The following CAMTA1 variants were observed in gnomAD, a reference collection of about 807,000 sequenced individuals.
CAMTA1 encodes the protein calmodulin-binding transcription activator 1.
Under a neutral mutation model 170.9 loss-of-function variants are expected in CAMTA1, and 27 were observed. The ratio of observed to expected loss-of-function variants is 0.16; its 90% CI spans 0.12 to 0.22. The LOEUF is 0.22. Ranked by LOEUF, CAMTA1 falls within the 10% of genes least tolerant of loss-of-function variation. The pLI is 1.00. For synonymous variants in CAMTA1, 833 were observed against 891.5 expected, an observed-to-expected ratio of 0.93 and a Z score of 1.17; for missense variants, 1,619 against 2,217.2, an observed-to-expected ratio of 0.73 and a Z score of 5.42.
intron 22 of CAMTA1, among the ~76,000 whole-genome samples, chr1:7,764,609 GCAATAACTGATTA>G (rs2097003047): frequency 6.6e-6 from 1 of 152,094 alleles, no homozygotes; most frequent in Non-Finnish European, 1.5e-5. Flanking sequence ...ATACAATATA[GCAATAACTGATTA>G]CTGGTTTTTT....
chr1:7,295,872 A>G (rs1673855436), intron 5 of CAMTA1, among the ~76,000 whole-genome samples: 2 of 152,204 alleles, frequency 1.3e-5, no homozygotes, highest in Non-Finnish European at 2.9e-5. Context: ...AAAACAATGC[A>G]TATTTATTAT....
At chr1:7,744,568 A>C (rs2096843927) in intron 16 of CAMTA1, among the ~76,000 whole-genome samples, 1 of 152,210 alleles carries the variant, frequency 6.6e-6, no homozygotes, top group African/African-American at 2.4e-5. Context: ...GAGAGTAGGG[A>C]GTACATACAA....
intron 7 of CAMTA1, among the ~76,000 whole-genome samples, chr1:7,646,115 A>G (rs1273234650): frequency 3.7e-4 from 43 of 115,000 alleles, no homozygotes; most frequent in African/African-American, 1.0e-3. Context: ...AGGCCCTGGT[A>G]AGTGTGAGCG....
At chr1:6,788,010 A>G (rs1470357718) in intron 1 of CAMTA1, among the ~76,000 whole-genome samples, 2 of 152,124 alleles carry the variant, frequency 1.3e-5, no homozygotes, top group Admixed American at 6.5e-5. Context: ...TAATTGAGAG[A>G]GGTTGTGAAA....
At chr1:7,283,015 A>G (rs186574946) in intron 5 of CAMTA1, among the ~76,000 whole-genome samples, 5 of 152,322 alleles carry the variant, frequency 3.3e-5, no homozygotes, top group African/African-American at 9.6e-5. Flanking sequence ...GGAATTTGGA[A>G]CAACCTAACT....
chr1:7,475,051 C>G (rs1053307229), intron 6 of CAMTA1, among the ~76,000 whole-genome samples: 5 of 152,248 alleles, frequency 3.3e-5, no homozygotes, highest in Non-Finnish European at 7.3e-5. Context: ...ATGAGCTGGG[C>G]TCTTCCCTGG....
At chr1:7,292,406 C>T (rs551835838) in intron 5 of CAMTA1, among the ~76,000 whole-genome samples, 6 of 152,270 alleles carry the variant, frequency 3.9e-5, no homozygotes, top group African/African-American at 1.2e-4. Context: ...ATGTGTGTCT[C>T]CTGTGGATCT....
intron 8 of CAMTA1, among the ~76,000 whole-genome samples, chr1:7,662,391 C>T (rs1378350249): frequency 1.3e-5 from 2 of 152,092 alleles, no homozygotes; most frequent in African/African-American, 4.8e-5. Context: ...TCTCCACTCC[C>T]CAGGCTGACT....
At chr1:6,995,861 T>C (rs1181652081) in intron 3 of CAMTA1, among the ~76,000 whole-genome samples, 2 of 152,104 alleles carry the variant, frequency 1.3e-5, no homozygotes, top group Non-Finnish European at 2.9e-5. Flanking sequence ...CCAGGCAACT[T>C]AGACAGGCAT....
chr1:7,587,358 G>C (rs1361621814), intron 6 of CAMTA1, among the ~76,000 whole-genome samples: 1 of 152,018 alleles, frequency 6.6e-6, no homozygotes, highest in African/African-American at 2.4e-5. Flanking sequence ...CCTTCCTAAA[G>C]GGCTTTGCTC....
At position 7,435,780 on chromosome 1, in the gene CAMTA1, CAG is replaced by C. The variant is rs1358042444; in HGVS notation, c.439-32045_439-32044del. On this transcript the variant is annotated intron_variant, in intron 5 of 22. Transcript: ENST00000303635. The surrounding 1 kb of genome is among the most constrained non-coding windows in gnomAD (Gnocchi z 4.4). ...CTATCTGAAGTCAGGGCAATCCACG[CAG>C]AGAGCCCTCCTCATGGCCCGGCTCA... 6.6e-6 allele frequency among the ~76,000 whole-genome samples: 1 copy of C among 152,208 alleles called. No individual in the cohort carries two copies. Among genetic ancestry groups the C allele is most frequent in the Non-Finnish European group, 1.5e-5 (1 of 68,032 alleles).
chr1:6,943,020 C>T lies in CAMTA1; in HGVS notation c.234+117810C>T, dbSNP rs1017981773. ...TCCAGTGATTTCTGTTGGGGGCCTT[C>T]GATGTCCTGGGCAACGTGCTGACCA... On this transcript the variant is annotated intron_variant, in intron 3 of 22. Coordinates refer to ENST00000303635, the MANE Select transcript of CAMTA1 (RefSeq NM_015215.4). Among the ~76,000 whole-genome samples, 11 of 152,222 alleles carry T rather than the reference C, an allele frequency of 7.2e-5. 1 individual carries two copies. The highest frequency in any genetic ancestry group is 6.5e-5 in the Admixed American group (1 of 15,286).
intron 1 of CAMTA1, among the ~76,000 whole-genome samples, chr1:6,819,549 A>G (rs1457546733): frequency 1.3e-5 from 2 of 152,218 alleles, no homozygotes; most frequent in Non-Finnish European, 2.9e-5. Context: ...AATGAATATG[A>G]CATTGGTTCT....
intron 5 of CAMTA1, among the ~76,000 whole-genome samples, chr1:7,346,711 G>A (rs1000926663): frequency 6.6e-6 from 1 of 152,200 alleles, no homozygotes; most frequent in African/African-American, 2.4e-5. Context: ...CCAGCTCCAT[G>A]GGGCCTGGCA....
In CAMTA1 at chr1:7,748,769, T is replaced by C. The variant is rs889673008; in HGVS notation, c.4689+988T>C. Among the ~76,000 whole-genome samples, 11 of 152,240 alleles carry C rather than the reference T, an allele frequency of 7.2e-5. No homozygotes were observed. The highest frequency in any genetic ancestry group is 5.2e-4 in the Admixed American group (8 of 15,288). On this transcript the variant is annotated intron_variant, in intron 19 of 22. Transcript: ENST00000303635. The surrounding 1 kb of genome is among the most constrained non-coding windows in gnomAD (Gnocchi z 4.7). ...AGCTCAGAACATCTTAAACTGCTTT[T>C]GTGCACCTTAGTTAAAGGTGCAAGA...
intron 5 of CAMTA1, among the ~76,000 whole-genome samples, chr1:7,344,907 C>A (rs558823857): frequency 2.2e-5 from 2 of 92,434 alleles, no homozygotes; most frequent in African/African-American, 7.8e-5. Flanking sequence ...CCACCATGCC[C>A]GCCTAATTTT....
intron 11 of CAMTA1, among the ~76,000 whole-genome samples, chr1:7,691,990 AGG>A (rs1281529108): frequency 7.8e-6 from 1 of 128,276 alleles, no homozygotes; most frequent in Non-Finnish European, 1.6e-5. Context: ...GGAGGGAGGG[AGG>A]GAGGGAAGGA....
chr1:7,141,878 C>T (rs186149908), intron 4 of CAMTA1, among the ~76,000 whole-genome samples: 101 of 152,266 alleles, frequency 6.6e-4, no homozygotes, highest in African/African-American at 2.3e-3. Flanking sequence ...ACTTATGGAT[C>T]ATCTCATTTC....
intron 5 of CAMTA1, among the ~76,000 whole-genome samples, chr1:7,349,694 A>G (rs550313565): frequency 8.6e-4 from 131 of 152,186 alleles, no homozygotes; most frequent in Admixed American, 2.5e-3. Context: ...GACCGGTCAG[A>G]CTGGATCAGG....
Sources: gnomAD v4.1 joint callset for allele counts (sites outside exome capture counted in the v4.1 genomes callset) on GRCh38, gnomAD v4.1.1 for gene constraint, Gnocchi (gnomAD v3.1) non-coding constraint, MANE v1.5 for transcripts, NCBI Gene and HGNC (gene_info 2026-07-23, HGNC 2026-07-21) for gene names.